Variants in CMC2 observed in about 807,000 individuals in gnomAD.
The protein encoded by CMC2 is C-X9-C motif containing 2, also known as COX assembly mitochondrial protein 2 homolog.
A neutral mutation model predicts 7.5 loss-of-function variants in CMC2; 5 were observed. The ratio of observed to expected loss-of-function variants is 0.66; its 90% CI spans 0.35 to 1.40. CMC2 has a LOEUF of 1.40. Among genes scored for constraint, CMC2 ranks in the 40% most tolerant of loss-of-function variants. The pLI is 0.04. For synonymous variants in CMC2, 37 were observed against 31.4 expected (o/e 1.18, Z -0.60); for missense variants, 115 against 92.3 (o/e 1.25, Z -1.01).
At chr16:80,991,063 A>C (rs1328436911) in intron 2 of CMC2, among the ~76,000 whole-genome samples, 1 of 151,782 alleles carries the variant, frequency 6.6e-6, no homozygotes, top group Non-Finnish European at 1.5e-5. Flanking sequence ...TGCCAACTGA[A>C]AGACTCTCAG....
chr16:80,983,587 C>T (rs531558754), intron 2 of CMC2: 1 of 152,366 alleles, frequency 6.6e-6, no homozygotes, highest in South Asian at 2.1e-4. Context: ...AGAGTAACTT[C>T]ACTACCAAAC....
Position 80,971,239 on chromosome 16 carries a change from T to C in CMC2, c.*4854A>G, listed in dbSNP as rs1911889580. On this transcript the variant is annotated 3_prime_UTR_variant, in exon 4 of 4. Transcript: ENST00000219400. ...AAATGCATACCTTACAGCCCAATAA[T>C]TAAAATCCTAGGTTTATACCTAAAA... is the stretch of plus-strand genomic sequence containing the variant. 1 of 152,128 alleles carries C rather than the reference T, an allele frequency of 6.6e-6. No homozygotes were observed. Among genetic ancestry groups the C allele is most frequent in the African/African-American group, 2.4e-5 (1 of 41,420 alleles). The allele number at this position is 152,128 out of a possible 1,614,324, so 9.4% of individuals were successfully genotyped here.
At chr16:80,987,323 T>A (rs1967620663) in intron 2 of CMC2, among the ~76,000 whole-genome samples, 3 of 152,170 alleles carry the variant, frequency 2.0e-5, no homozygotes, top group Admixed American at 6.5e-5. Flanking sequence ...AATACAAAAA[T>A]TTTTAAATGG....
At chr16:80,990,639 G>C (rs771794337) in intron 2 of CMC2, among the ~76,000 whole-genome samples, 1 of 152,140 alleles carries the variant, frequency 6.6e-6, no homozygotes, top group Non-Finnish European at 1.5e-5. Flanking sequence ...CAAACGCTAG[G>C]ATACTATAAA....
intron 1 of CMC2, among the ~76,000 whole-genome samples, chr16:80,999,790 G>C (rs1240792721): frequency 6.6e-6 from 1 of 152,158 alleles, no homozygotes; most frequent in African/African-American, 2.4e-5. Flanking sequence ...ACAAAAATAA[G>C]CAATGGCAAA....
chr16:80,997,307 CTCTT>C lies in CMC2; in HGVS notation c.81+3_81+6del. 1.1e-6 allele frequency: 1 copy of C among 875,070 alleles called. No individual in the cohort carries two copies. The highest frequency in any genetic ancestry group is 1.8e-6 in the Non-Finnish European group (1 of 549,262). 54.2% of individuals were successfully genotyped at this position (875,070 alleles called of 1,614,324 possible). On this transcript the variant is annotated splice_donor_5th_base_variant and intron_variant, in intron 2 of 3. Transcript: ENST00000219400. ...TTGGCTGTACAGTCGTTTTTCTGAACTCTTACATTTTTGTGACATTCCTTAAGCA... is the reference window on the plus strand; with the variant it reads ...TTGGCTGTACAGTCGTTTTTCTGAACACATTTTTGTGACATTCCTTAAGCA...
chr16:80,978,328 A>G, intron 3 of CMC2: 2 of 1,260,756 alleles, frequency 1.6e-6, no homozygotes, highest in Non-Finnish European at 2.1e-6. Context: ...ACTTTGTAGC[A>G]GGCCAATAAA....
In CMC2 at chr16:80,970,188, C is replaced by T. The variant is rs1242663698; in HGVS notation, c.*5905G>A. ...AAAGAGAAAACTGCGGCTACAGTTG[C>T]AGGCTCTATAACCCCACCATTTCTG... On this transcript the variant is annotated 3_prime_UTR_variant, in exon 4 of 4. Coordinates refer to ENST00000219400, the MANE Select transcript of CMC2 (RefSeq NM_020188.5). The T allele has an allele frequency of 1.3e-5, 2 of 152,168 alleles. No homozygotes were observed. The highest frequency in any genetic ancestry group is 4.8e-5 in the African/African-American group (2 of 41,442). 9.4% of individuals were successfully genotyped at this position (152,168 alleles called of 1,614,324 possible). A position where few individuals can be genotyped will look rare whatever the true frequency, so the allele number is the denominator to read the frequency against.
intron 1 of CMC2, among the ~76,000 whole-genome samples, chr16:81,004,329 A>C (rs779360661): frequency 1.3e-5 from 2 of 152,242 alleles, no homozygotes; most frequent in Non-Finnish European, 2.9e-5. Context: ...GATAAATTCC[A>C]TTCAAACTGT....
rs1420879719 is a variant in CMC2, at chr16:80,966,486, G to C, written c.*9607C>G. The C allele has an allele frequency of 6.6e-6, 1 of 152,110 alleles. No individual in the cohort carries two copies. Among genetic ancestry groups the C allele is most frequent in the Non-Finnish European group, 1.5e-5 (1 of 68,012 alleles). The allele number at this position is 152,110 out of a possible 1,614,324, so 9.4% of individuals were successfully genotyped here. ...TCAAATTTAATGCATGTTTTGACTT[G>C]AATTTTACACTTGTATCTTGTTTTG... is the stretch of plus-strand genomic sequence containing the variant. On this transcript the variant is annotated 3_prime_UTR_variant, in exon 4 of 4. Transcript: ENST00000219400.
chr16:81,003,471 T>C (rs1003438341), intron 1 of CMC2, among the ~76,000 whole-genome samples: 2 of 152,178 alleles, frequency 1.3e-5, no homozygotes, highest in Non-Finnish European at 2.9e-5. Flanking sequence ...GAAACTGTCT[T>C]TTTATAGGTC....
intron 1 of CMC2, among the ~76,000 whole-genome samples, chr16:81,002,286 C>T (rs558899576): frequency 5.7e-4 from 87 of 152,136 alleles, no homozygotes; most frequent in Non-Finnish European, 1.1e-3. Flanking sequence ...ATTAGCTGGG[C>T]GTGTTGGTGG....
chr16:81,005,656 C>A (rs1348783121), intron 1 of CMC2, among the ~76,000 whole-genome samples: 1 of 152,076 alleles, frequency 6.6e-6, no homozygotes, highest in Non-Finnish European at 1.5e-5. Context: ...CCATGCCAGG[C>A]TGCTTCTGGG....
rs1912241341 is a variant in CMC2, at chr16:80,975,710, G to A, written c.*383C>T. On this transcript the variant is annotated 3_prime_UTR_variant, in exon 4 of 4. Transcript: ENST00000219400. ...AGTTAACACTGCTGGGATTTCCCCA[G>A]AATTCTTCAACATCATGTTGTCAAA... is the stretch of plus-strand genomic sequence containing the variant. 6.3e-6 allele frequency: 1 copy of A among 158,358 alleles called. No homozygotes were observed. The highest frequency in any genetic ancestry group is 1.9e-4 in the South Asian group (1 of 5,314). The allele number at this position is 158,358 out of a possible 1,614,324, so 9.8% of individuals were successfully genotyped here.
chr16:80,978,318 A>C (rs1912687219), intron 3 of CMC2: 1 of 1,259,500 alleles, frequency 7.9e-7, no homozygotes, highest in African/African-American at 1.6e-5. Context: ...AGAAGATAAT[A>C]CTTTGTAGCA....
intron 2 of CMC2, among the ~76,000 whole-genome samples, chr16:80,986,839 T>C (rs1312705362): frequency 1.3e-5 from 2 of 152,340 alleles, no homozygotes; most frequent in Non-Finnish European, 2.9e-5. Flanking sequence ...ACTATCTAGC[T>C]GAGATAAACC....
At chr16:80,995,965 G>A (rs1323194546) in intron 2 of CMC2, among the ~76,000 whole-genome samples, 2 of 150,942 alleles carry the variant, frequency 1.3e-5, no homozygotes, top group Non-Finnish European at 2.9e-5. Context: ...TAGTTCCAGT[G>A]ATTCAAGAAG....
chr16:80,985,535 TTTC>T (rs1047109897), intron 2 of CMC2, among the ~76,000 whole-genome samples: 4 of 152,186 alleles, frequency 2.6e-5, no homozygotes, highest in African/African-American at 4.8e-5. Context: ...AAAATAATTT[TTTC>T]TTCATTTCTC....
chr16:80,969,145 C>G lies in CMC2; in HGVS notation c.*6948G>C, dbSNP rs748750555. 2.0e-5 allele frequency: 3 copies of G among 152,162 alleles called. No individual in the cohort carries two copies. The highest frequency in any genetic ancestry group is 4.4e-5 in the Non-Finnish European group (3 of 68,040). 9.4% of individuals were successfully genotyped at this position (152,162 alleles called of 1,614,324 possible). Reference sequence around the variant, plus strand: ...TAGTTGTGACTGTGGAAGCAACTATCTTTTTTATGATATAAAAAGGGCAGG... The same window carrying G: ...TAGTTGTGACTGTGGAAGCAACTATGTTTTTTATGATATAAAAAGGGCAGG... On this transcript the variant is annotated 3_prime_UTR_variant, in exon 4 of 4. Transcript: ENST00000219400.
Sources: allele counts gnomAD v4.1 joint callset (sites outside exome capture counted in the v4.1 genomes callset), GRCh38; gene constraint gnomAD v4.1.1; transcripts MANE v1.5; gene names NCBI Gene and HGNC (gene_info 2026-07-23, HGNC 2026-07-21).